SULT1B1: variants seen among roughly 807,000 people sequenced by gnomAD.
SULT1B1 encodes the protein sulfotransferase family 1B member 1, also known as sulfotransferase 1B1.
Under a neutral mutation model 34.6 loss-of-function variants are expected in SULT1B1, and 28 were observed. That is an observed-to-expected ratio of 0.81 (90% CI 0.60 to 1.11). The LOEUF is 1.11. Ranked by LOEUF, SULT1B1 falls within the 50% of genes least tolerant of loss-of-function variation. The pLI, the probability that SULT1B1 is intolerant of heterozygous loss-of-function variation, is 0.00. For missense variants in SULT1B1, 374 were observed against 352.2 expected (o/e 1.06, Z -0.50); for synonymous variants, 147 against 110.2 (o/e 1.33, Z -2.09).
At chr4:69,740,804 C>A (rs375896047) in intron 4 of SULT1B1, among the ~76,000 whole-genome samples, 16 of 152,120 alleles carry the variant, frequency 1.1e-4, no homozygotes, top group South Asian at 8.3e-4. Context: ...GATTTAAGTT[C>A]TTTATAATTC....
chr4:69,734,289 G>A (rs761659623), intron 4 of SULT1B1, 25 bp from the exon 5 acceptor site: 3 of 1,590,146 alleles, frequency 1.9e-6, no homozygotes, highest in South Asian at 1.2e-5. Context: ...GGGGGTAGGA[G>A]AAAAAAATAA....
At chr4:69,732,812 A>G (rs959595669) in intron 6 of SULT1B1, among the ~76,000 whole-genome samples, 2 of 151,896 alleles carry the variant, frequency 1.3e-5, no homozygotes, top group Non-Finnish European at 2.9e-5. Flanking sequence ...AAGATACAAT[A>G]GATACACTAT....
intron 1 of SULT1B1, among the ~76,000 whole-genome samples, chr4:69,757,024 G>C (rs1250774907): frequency 1.3e-5 from 2 of 151,438 alleles, no homozygotes; most frequent in East Asian, 3.9e-4. Context: ...CAGACATCTG[G>C]GTTTCCTGTG....
rs998934643 is a variant in SULT1B1, at chr4:69,733,614, A to G, written c.503-107T>C. ...ACATTTTGAATTTAGTAACCAAAGGAAGTAAGAATATGAGGACAATCTTAA... is the reference window on the plus strand; with the variant it reads ...ACATTTTGAATTTAGTAACCAAAGGGAGTAAGAATATGAGGACAATCTTAA... On this transcript the variant is annotated intron_variant, in intron 5 of 7. Coordinates refer to ENST00000310613, the MANE Select transcript of SULT1B1 (RefSeq NM_014465.4). The G allele has an allele frequency of 5.4e-5, 42 of 780,996 alleles. 1 individual carries two copies. Among genetic ancestry groups the G allele is most frequent in the Non-Finnish European group, 1.2e-5 (6 of 514,034 alleles). The allele number at this position is 780,996 out of a possible 1,614,324, so 48.4% of individuals were successfully genotyped here.
At chr4:69,739,288 C>G (rs13130539) in intron 4 of SULT1B1, among the ~76,000 whole-genome samples, 42,401 of 152,110 alleles carry the variant, frequency 0.28, 7,445 homozygotes, top group South Asian at 0.45. Flanking sequence ...TCCATGAGAG[C>G]TCCGCCCATG....
intron 7 of SULT1B1, among the ~76,000 whole-genome samples, chr4:69,727,799 T>A (rs573807579): frequency 3.7e-4 from 56 of 152,136 alleles, no homozygotes; most frequent in Non-Finnish European, 7.4e-4. Flanking sequence ...CCTGGAACCA[T>A]GTTTTTTAAA....
intron 4 of SULT1B1, among the ~76,000 whole-genome samples, chr4:69,736,776 G>T (rs1354984783): frequency 6.6e-6 from 1 of 151,680 alleles, no homozygotes; most frequent in Admixed American, 6.6e-5. Flanking sequence ...CAAACATAAA[G>T]GTATATCAAT....
At chr4:69,728,737 G>T (rs953754599) in intron 7 of SULT1B1, among the ~76,000 whole-genome samples, 1 of 151,976 alleles carries the variant, frequency 6.6e-6, no homozygotes, top group Non-Finnish European at 1.5e-5. Context: ...TTTATTGTGA[G>T]AAAATATCCT....
chr4:69,735,259 C>T (rs1718257073), intron 4 of SULT1B1, among the ~76,000 whole-genome samples: 1 of 152,130 alleles, frequency 6.6e-6, no homozygotes, highest in Admixed American at 6.5e-5. Context: ...CTCCTATATA[C>T]TCTTGGATTG....
Position 69,749,710 on chromosome 4 carries a change from C to G in SULT1B1, c.375+11G>C, listed in dbSNP as rs1718899857. On this transcript the variant is annotated intron_variant, in intron 4 of 7. Coordinates refer to ENST00000310613, the MANE Select transcript of SULT1B1 (RefSeq NM_014465.4). ...CCATACTAAAAAACTGACATGGAGT[C>G]TGGAGTATACCTTGCAATTGTTTTC... The G allele has an allele frequency of 1.9e-6, 3 of 1,599,158 alleles. No homozygotes were observed. The East Asian group carries it at 6.7e-5, about 36-fold the overall frequency.
At chr4:69,729,263 T>C (rs941184248) in intron 7 of SULT1B1, among the ~76,000 whole-genome samples, 2 of 152,004 alleles carry the variant, frequency 1.3e-5, no homozygotes, top group African/African-American at 4.8e-5. Flanking sequence ...TATATGCAGT[T>C]TTTTTCCAAC....
At chr4:69,743,543 G>A (rs531422943) in intron 4 of SULT1B1, among the ~76,000 whole-genome samples, 38 of 152,268 alleles carry the variant, frequency 2.5e-4, no homozygotes, top group Non-Finnish European at 4.0e-4. Context: ...GGCTTCACCC[G>A]GGACCCACCC....
At chr4:69,731,663 T>C (rs192400298) in intron 6 of SULT1B1, among the ~76,000 whole-genome samples, 266 of 152,356 alleles carry the variant, frequency 1.7e-3, no homozygotes, top group African/African-American at 6.2e-3. Flanking sequence ...ATTAAACTTC[T>C]CTATAATATT....
chr4:69,733,584 TGAAA>T, intron 5 of SULT1B1, 77 bp from the exon 6 acceptor site: 2 of 1,114,480 alleles, frequency 1.8e-6, no homozygotes, highest in Non-Finnish European at 2.5e-6. Context: ...AATCAAATTG[TGAAA>T]ACATTTTGAA....
intron 7 of SULT1B1, among the ~76,000 whole-genome samples, chr4:69,729,944 C>T (rs1457339670): frequency 6.6e-6 from 1 of 152,114 alleles, no homozygotes; most frequent in Non-Finnish European, 1.5e-5. Flanking sequence ...TGTATTTCAA[C>T]AGTAAATGCC....
At chr4:69,730,705 C>A (rs1037843331) in intron 6 of SULT1B1, 24 bp from the exon 7 acceptor site, 7 of 1,592,590 alleles carry the variant, frequency 4.4e-6, no homozygotes, top group Non-Finnish European at 4.3e-6. Flanking sequence ...AAACCCAAGA[C>A]AATAAACAAG....
At chr4:69,729,509 T>G (rs983191469) in intron 7 of SULT1B1, among the ~76,000 whole-genome samples, 3 of 152,110 alleles carry the variant, frequency 2.0e-5, no homozygotes, top group Non-Finnish European at 4.4e-5. Context: ...GCATACAATT[T>G]TTGATGAAAA....
chr4:69,735,200 G>C (rs1718254353), intron 4 of SULT1B1, among the ~76,000 whole-genome samples: 1 of 152,142 alleles, frequency 6.6e-6, no homozygotes, highest in Non-Finnish European at 1.5e-5. Context: ...ACTGGACAAA[G>C]AGCTGAGTAA....
intron 3 of SULT1B1, among the ~76,000 whole-genome samples, chr4:69,752,182 G>A (rs951430268): frequency 1.3e-5 from 2 of 152,228 alleles, no homozygotes; most frequent in Non-Finnish European, 2.9e-5. Context: ...AGTAAAAAAT[G>A]TTGAGTATTT....
Sources: gnomAD v4.1 joint callset for allele counts (sites outside exome capture counted in the v4.1 genomes callset) on GRCh38, gnomAD v4.1.1 for gene constraint, MANE v1.5 for transcripts, NCBI Gene and HGNC (gene_info 2026-07-23, HGNC 2026-07-21) for gene names.